The following PREX1 variants were observed in gnomAD, a reference collection of about 807,000 sequenced individuals.
PREX1 encodes phosphatidylinositol 3,4,5-trisphosphate-dependent Rac exchanger 1 protein.
A neutral mutation model predicts 198.3 loss-of-function variants in PREX1; 41 were observed. The observed-to-expected ratio is 0.21, with a 90% CI of 0.16 to 0.27. PREX1 has a LOEUF of 0.27. PREX1 is among the 10% of genes least tolerant of loss of function. The pLI is 1.00. For missense variants in PREX1, 1,620 were observed against 2,200.7 expected (o/e 0.74, Z 5.28); for synonymous variants, 843 against 887.2 (o/e 0.95, Z 0.89).
chr20:48,799,304 T>A (rs1028374618), intron 1 of PREX1, among the ~76,000 whole-genome samples: 2 of 152,202 alleles, frequency 1.3e-5, no homozygotes. Flanking sequence ...AGGAGCTTGC[T>A]GCATGGAAGC....
At chr20:48,712,970 A>C (rs1416960305) in intron 5 of PREX1, among the ~76,000 whole-genome samples, 1 of 152,186 alleles carries the variant, frequency 6.6e-6, no homozygotes, top group Non-Finnish European at 1.5e-5. Flanking sequence ...TTAAAAATAC[A>C]AAAATTAGCC....
At chr20:48,708,233 G>A in intron 6 of PREX1, 27 bp downstream of exon 6, 1 of 1,608,342 alleles carries the variant, frequency 6.2e-7, no homozygotes, top group Non-Finnish European at 8.5e-7. Context: ...CTGCGGCCCA[G>A]GAAGCCCCCT....
chr20:48,657,419 C>T (rs2089553673), intron 17 of PREX1, among the ~76,000 whole-genome samples: 1 of 152,210 alleles, frequency 6.6e-6, no homozygotes, highest in South Asian at 2.1e-4. Context: ...AGGTATTCCT[C>T]CTGAGGGGAA....
chr20:48,634,813 C>T, intron 32 of PREX1, 38 bp from the exon 33 acceptor site: 1 of 1,569,126 alleles, frequency 6.4e-7, no homozygotes, highest in Non-Finnish European at 8.8e-7. Context: ...TCTCAGATGC[C>T]AACCCTGCCC....
At position 48,685,736 on chromosome 20, in the gene PREX1, T is replaced by A. The variant is rs560060647; in HGVS notation, c.1334+2921A>T. Among the ~76,000 whole-genome samples, 248 of 151,704 alleles carry A rather than the reference T, an allele frequency of 1.6e-3. 1 individual carries two copies. The highest frequency in any genetic ancestry group is 5.8e-3 in the African/African-American group (240 of 41,368). ...AGACCCCCATCTGTACAAAAAAAAATAAAAATTAGCTATAGAAGCCTAGCA... is the reference window on the plus strand; with the variant it reads ...AGACCCCCATCTGTACAAAAAAAAAAAAAAATTAGCTATAGAAGCCTAGCA... On this transcript the variant is annotated intron_variant, in intron 10 of 39. Coordinates refer to ENST00000371941, the MANE Select transcript of PREX1 (RefSeq NM_020820.4).
chr20:48,686,983 C>T (rs1164795885), intron 10 of PREX1, among the ~76,000 whole-genome samples: 2 of 152,192 alleles, frequency 1.3e-5, no homozygotes, highest in Non-Finnish European at 2.9e-5. Context: ...CCTGCCTCCC[C>T]GCCTCTTCCT....
chr20:48,692,937 C>T, intron 7 of PREX1, 147 bp from the exon 8 acceptor site: 2 of 683,456 alleles, frequency 2.9e-6, no homozygotes, highest in South Asian at 1.7e-5. Context: ...GAGTGTTTGG[C>T]TGGTGCTGGG....
intron 18 of PREX1, among the ~76,000 whole-genome samples, chr20:48,656,687 G>A (rs377429160): frequency 1.7e-4 from 26 of 152,022 alleles, no homozygotes; most frequent in Admixed American, 3.9e-4. Flanking sequence ...CCCCTTTCCC[G>A]GGTTTATAGA....
At chr20:48,689,073 C>A (rs1030233994) in intron 9 of PREX1, among the ~76,000 whole-genome samples, 2 of 152,238 alleles carry the variant, frequency 1.3e-5, no homozygotes, top group Non-Finnish European at 2.9e-5. Flanking sequence ...GGGGGTCATG[C>A]CTTCAACCCA....
chr20:48,658,361 C>G, intron 16 of PREX1, 133 bp from the exon 17 acceptor site: 1 of 819,406 alleles, frequency 1.2e-6, no homozygotes, highest in Non-Finnish European at 1.9e-6. Flanking sequence ...GTGGGCGAGA[C>G]AGAGCAAAAC....
rs565558127 is a variant in PREX1, at chr20:48,770,596, G to A, written c.220-22716C>T. On this transcript the variant is annotated intron_variant, in intron 1 of 39. Coordinates refer to ENST00000371941, the MANE Select transcript of PREX1 (RefSeq NM_020820.4). Reference sequence around the variant, plus strand: ...ATGGTGGTGCATGCCTGTAATCCCAGCTACTTGGGAGGCAGAGGCAGGAGA... The same window carrying A: ...ATGGTGGTGCATGCCTGTAATCCCAACTACTTGGGAGGCAGAGGCAGGAGA... Among the ~76,000 whole-genome samples the A allele has an allele frequency of 3.9e-5, 6 of 152,268 alleles. No homozygotes were observed. The South Asian group carries it at 1.2e-3, about 32-fold the overall frequency.
chr20:48,666,126 A>C lies in PREX1; in HGVS notation c.1738+157T>G, dbSNP rs1286614868. On this transcript the variant is annotated intron_variant, in intron 15 of 39. Coordinates refer to ENST00000371941, the MANE Select transcript of PREX1 (RefSeq NM_020820.4). The surrounding 1 kb of genome is among the most constrained non-coding windows in gnomAD (Gnocchi z 4.3). ...CCAGAAGCCATTTCTCGATCGGTTC[A>C]GAACGGGAAGGGGAGGGAGGTGGGA... Among the ~76,000 whole-genome samples the C allele has an allele frequency of 6.6e-6, 1 of 152,214 alleles. No individual in the cohort carries two copies. The highest frequency in any genetic ancestry group is 6.5e-5 in the Admixed American group (1 of 15,282).
chr20:48,818,504 AAGG>A, intron 1 of PREX1, among the ~76,000 whole-genome samples: 1 of 152,348 alleles, frequency 6.6e-6, no homozygotes, highest in Non-Finnish European at 1.5e-5. Context: ...CTGACTGCGT[AAGG>A]AGAACAGAAT....
chr20:48,874,088 T>C, the PREX1 span, among the ~76,000 whole-genome samples: 56 of 152,296 alleles, frequency 3.7e-4, no homozygotes, highest in Admixed American at 2.2e-3. Context: ...TCTACATGTA[T>C]TTGTACCTGA....
intron 1 of PREX1, among the ~76,000 whole-genome samples, chr20:48,770,965 G>T (rs887381938): frequency 6.6e-6 from 1 of 152,136 alleles, no homozygotes; most frequent in Non-Finnish European, 1.5e-5. Context: ...CCAGGCACCT[G>T]CGATGGGGCA....
chr20:48,862,843 A>G, the PREX1 span, among the ~76,000 whole-genome samples: 2 of 138,240 alleles, frequency 1.4e-5, no homozygotes, highest in African/African-American at 5.6e-5. Context: ...TTTTTTGGAG[A>G]CAGGGCCTCA....
intron 15 of PREX1, among the ~76,000 whole-genome samples, chr20:48,661,667 G>A (rs910961612): frequency 1.3e-5 from 2 of 150,198 alleles, no homozygotes; most frequent in Admixed American, 1.3e-4. Flanking sequence ...AACTTAACTG[G>A]GCACCTCCCA....
At chr20:48,708,449 A>C (rs986889631) in intron 5 of PREX1, 28 bp from the exon 6 acceptor site, 2 of 1,611,294 alleles carry the variant, frequency 1.2e-6, no homozygotes, top group Non-Finnish European at 1.7e-6. Context: ...TGGGGAGAAG[A>C]AAGCAAGACA....
At chr20:48,677,156 G>A (rs547757521) in intron 13 of PREX1, among the ~76,000 whole-genome samples, 1 of 152,326 alleles carries the variant, frequency 6.6e-6, no homozygotes, top group South Asian at 2.1e-4. Flanking sequence ...CAGTTGGTGG[G>A]GGTCTGCTAC....
Sources: allele counts gnomAD v4.1 joint callset (sites outside exome capture counted in the v4.1 genomes callset), GRCh38; gene constraint gnomAD v4.1.1; non-coding constraint Gnocchi (gnomAD v3.1); transcripts MANE v1.5; gene names NCBI Gene and HGNC (gene_info 2026-07-23, HGNC 2026-07-21).